Variants in NRG3 observed in about 807,000 individuals in gnomAD.
NRG3 encodes the protein pro-neuregulin-3, membrane-bound isoform.
A neutral mutation model predicts 66.9 loss-of-function variants in NRG3; 31 were observed. The ratio of observed to expected loss-of-function variants is 0.46; its 90% CI spans 0.35 to 0.63. NRG3 has a LOEUF of 0.63. NRG3 is among the 20% of genes least tolerant of loss of function. The pLI is 0.00. For missense variants in NRG3, 910 were observed against 878.9 expected (o/e 1.04, Z -0.45); for synonymous variants, 393 against 359.4 (o/e 1.09, Z -1.06).
At chr10:81,973,197 A>T (rs1040150277) in intron 1 of NRG3, among the ~76,000 whole-genome samples, 1 of 152,144 alleles carries the variant, frequency 6.6e-6, no homozygotes, top group South Asian at 2.1e-4. Context: ...TGCTAAAGAT[A>T]GTGGCCTCCA....
chr10:82,178,859 G>A (rs2073221874), intron 1 of NRG3, among the ~76,000 whole-genome samples: 2 of 151,978 alleles, frequency 1.3e-5, no homozygotes. Flanking sequence ...AGGGGTTACA[G>A]TTTTTCCACA....
intron 7 of NRG3, among the ~76,000 whole-genome samples, chr10:82,974,710 A>G (rs1300580630): frequency 6.6e-6 from 1 of 152,228 alleles, no homozygotes; most frequent in Non-Finnish European, 1.5e-5. Context: ...AAAATTAAAC[A>G]TTTTAACAAT....
intron 1 of NRG3, among the ~76,000 whole-genome samples, chr10:82,071,948 A>G (rs191072762): frequency 2.0e-5 from 3 of 152,306 alleles, no homozygotes; most frequent in Non-Finnish European, 4.4e-5. Context: ...ACATGATTCA[A>G]AAGTCAAAAT....
chr10:82,390,587 TC>T lies in NRG3; in HGVS notation c.953+31720del, dbSNP rs553840584. ...AATTATTAATAATGCTCTTTTACTT[TC>T]AAAAATGTGTAGTTTGAATAAGGTG... On this transcript the variant is annotated intron_variant, in intron 2 of 8. Transcript: ENST00000372141. Among the ~76,000 whole-genome samples the T allele has an allele frequency of 5.3e-5, 8 of 152,296 alleles. No homozygotes were observed. The East Asian group carries it at 1.5e-3, about 29-fold the overall frequency.
intron 1 of NRG3, among the ~76,000 whole-genome samples, chr10:82,215,811 C>CAATTTGAT (rs113402839): frequency 0.11 from 16,780 of 151,914 alleles, 1,022 homozygotes; most frequent in Middle Eastern, 0.18. Context: ...TACTTTTATG[C>CAATTTGAT]AATTTGATAA....
At position 82,370,267 on chromosome 10, in the gene NRG3, G is replaced by C. The variant is rs908378329; in HGVS notation, c.953+11399G>C. On this transcript the variant is annotated intron_variant, in intron 2 of 8. Coordinates refer to ENST00000372141, the MANE Select transcript of NRG3 (RefSeq NM_001010848.4). ...TGGTGGAGGTGGCTCTCAGCGAGAT[G>C]ATGAGGAGCTGAAAGTGGGGATGGA... Among the ~76,000 whole-genome samples, 8 of 138,216 alleles carry C rather than the reference G, an allele frequency of 5.8e-5. 2 individuals carry two copies. Among genetic ancestry groups the C allele is most frequent in the Non-Finnish European group, 7.4e-5 (5 of 67,464 alleles). The allele number at this position is 138,216 out of a possible 152,430, so 90.7% of individuals were successfully genotyped here. A position where few individuals can be genotyped will look rare whatever the true frequency, so the allele number is the denominator to read the frequency against.
intron 1 of NRG3, among the ~76,000 whole-genome samples, chr10:82,093,175 T>C (rs760721240): frequency 6.6e-6 from 1 of 152,202 alleles, no homozygotes; most frequent in Non-Finnish European, 1.5e-5. Context: ...ATCATCCTCA[T>C]TATTCAGATA....
chr10:82,582,269 A>C (rs979728447), intron 2 of NRG3, among the ~76,000 whole-genome samples: 1 of 152,140 alleles, frequency 6.6e-6, no homozygotes, highest in African/African-American at 2.4e-5. Context: ...TATCATCAGA[A>C]AAATGGGGAA....
chr10:82,203,692 G>A (rs986074498), intron 1 of NRG3, among the ~76,000 whole-genome samples: 3 of 152,100 alleles, frequency 2.0e-5, no homozygotes, highest in Non-Finnish European at 2.9e-5. Flanking sequence ...ATATGAATAT[G>A]TTTAGCTTCC....
chr10:82,483,482 G>A (rs1264333307), intron 2 of NRG3, among the ~76,000 whole-genome samples: 1 of 152,212 alleles, frequency 6.6e-6, no homozygotes, highest in Non-Finnish European at 1.5e-5. Context: ...TCATAAAGAT[G>A]TTGGTGATGA....
At position 82,053,861 on chromosome 10, in the gene NRG3, A is replaced by T. The variant is rs888894967; in HGVS notation, c.823+177698A>T. Among the ~76,000 whole-genome samples, 4 of 152,204 alleles carry T rather than the reference A, an allele frequency of 2.6e-5. No individual in the cohort carries two copies. In the East Asian group the frequency reaches 7.7e-4, roughly 29 times the overall value. Reference sequence around the variant, plus strand: ...GTGGAAAAGAGGTATTTGAGCAATTATTTGAATGAGGTGAGAATGTAAATC... The same window carrying T: ...GTGGAAAAGAGGTATTTGAGCAATTTTTTGAATGAGGTGAGAATGTAAATC... On this transcript the variant is annotated intron_variant, in intron 1 of 8. Transcript: ENST00000372141.
At chr10:81,895,741 C>G (rs1435736229) in intron 1 of NRG3, among the ~76,000 whole-genome samples, 1 of 152,030 alleles carries the variant, frequency 6.6e-6, no homozygotes, top group Non-Finnish European at 1.5e-5. Flanking sequence ...TCTAAGATAC[C>G]TGAACTTGCT....
intron 3 of NRG3, among the ~76,000 whole-genome samples, chr10:82,757,254 A>G (rs2135014630): frequency 6.6e-6 from 1 of 152,162 alleles, no homozygotes. Flanking sequence ...TGTACTGGAG[A>G]GTTTATGAAG....
intron 2 of NRG3, among the ~76,000 whole-genome samples, chr10:82,464,064 C>G (rs1017529459): frequency 1.3e-5 from 2 of 152,074 alleles, no homozygotes; most frequent in African/African-American, 4.8e-5. Context: ...ACTCACTTAC[C>G]CAAGTCTTAT....
At chr10:82,562,791 C>A (rs1759141870) in intron 2 of NRG3, among the ~76,000 whole-genome samples, 1 of 150,736 alleles carries the variant, frequency 6.6e-6, no homozygotes, top group Admixed American at 6.6e-5. Context: ...TTGGAATTTT[C>A]TATTTCTAGC....
chr10:82,847,355 G>A (rs1001743122), intron 3 of NRG3, among the ~76,000 whole-genome samples: 4 of 152,170 alleles, frequency 2.6e-5, no homozygotes, highest in African/African-American at 9.7e-5. Flanking sequence ...TGGTACAGTG[G>A]CGAGTAGATA....
chr10:82,775,978 G>A (rs2059899033), intron 3 of NRG3, among the ~76,000 whole-genome samples: 1 of 152,024 alleles, frequency 6.6e-6, no homozygotes, highest in South Asian at 2.1e-4. Flanking sequence ...CATTGTCATT[G>A]CAGTAATGGA....
chr10:82,365,205 G>A (rs2084444521), intron 2 of NRG3, among the ~76,000 whole-genome samples: 1 of 152,144 alleles, frequency 6.6e-6, no homozygotes, highest in Non-Finnish European at 1.5e-5. Flanking sequence ...GATTCCCTGT[G>A]GTTGAAGCAA....
At chr10:82,304,161 T>C (rs528326174) in intron 1 of NRG3, among the ~76,000 whole-genome samples, 1 of 152,046 alleles carries the variant, frequency 6.6e-6, no homozygotes, top group Admixed American at 6.5e-5. Flanking sequence ...CCTGCAACAA[T>C]TTTGGAGGTT....
Sources: allele counts gnomAD v4.1 joint callset (sites outside exome capture counted in the v4.1 genomes callset), GRCh38; gene constraint gnomAD v4.1.1; transcripts MANE v1.5; gene names NCBI Gene and HGNC (gene_info 2026-07-23, HGNC 2026-07-21).